The following TRAPPC9 variants were observed in gnomAD, a reference collection of about 807,000 sequenced individuals.
TRAPPC9 encodes trafficking protein particle complex subunit 9, also known as IKK2 binding protein.
TRAPPC9 carries 83 observed loss-of-function variants against 124.0 expected under a neutral mutation model. The observed-to-expected ratio is 0.67, with a 90% CI of 0.56 to 0.80. The LOEUF (loss-of-function observed/expected upper bound fraction) is 0.80. Ranked by LOEUF, TRAPPC9 falls within the 30% of genes least tolerant of loss-of-function variation. The pLI is 0.00. For synonymous variants in TRAPPC9, 638 were observed against 617.5 expected, an observed-to-expected ratio of 1.03 and a Z score of -0.49; for missense variants, 1,302 against 1,508.3, an observed-to-expected ratio of 0.86 and a Z score of 2.27.
chr8:139,903,356 G>C (rs1274316183), intron 20 of TRAPPC9, among the ~76,000 whole-genome samples: 1 of 152,148 alleles, frequency 6.6e-6, no homozygotes, highest in African/African-American at 2.4e-5. Flanking sequence ...GGTGGGAAGA[G>C]ATTGCTCAGA....
At chr8:140,382,361 G>A (rs2319829) in intron 7 of TRAPPC9, among the ~76,000 whole-genome samples, 5,632 of 152,298 alleles carry the variant, frequency 0.037, 197 homozygotes, top group African/African-American at 0.091. Flanking sequence ...CCCAGGAAGC[G>A]CAAAGGGTCA....
chr8:140,382,292 G>A (rs1466369628), intron 7 of TRAPPC9, among the ~76,000 whole-genome samples: 2 of 152,190 alleles, frequency 1.3e-5, no homozygotes, highest in African/African-American at 4.8e-5. Flanking sequence ...GACAGTGGGT[G>A]CAGGACAGTG....
chr8:140,423,681 T>TATACACATATACAC (rs1264423185), intron 5 of TRAPPC9, among the ~76,000 whole-genome samples: 16 of 53,976 alleles, frequency 3.0e-4, no homozygotes, highest in African/African-American at 5.5e-4. Context: ...CATATACACA[T>TATACACATATACAC]ATATACACAT....
chr8:140,046,042 T>C (rs542818156), intron 17 of TRAPPC9, among the ~76,000 whole-genome samples: 13 of 147,978 alleles, frequency 8.8e-5, no homozygotes, highest in South Asian at 4.7e-4. Context: ...TGGATCTAGA[T>C]GGGAGGATGG....
At chr8:140,212,722 A>G (rs905056045) in intron 17 of TRAPPC9, among the ~76,000 whole-genome samples, 1 of 152,182 alleles carries the variant, frequency 6.6e-6, no homozygotes, top group Non-Finnish European at 1.5e-5. Flanking sequence ...AAGATGCATA[A>G]GTAAGCCATC....
At chr8:140,129,182 T>C (rs527510256) in intron 17 of TRAPPC9, among the ~76,000 whole-genome samples, 2 of 152,102 alleles carry the variant, frequency 1.3e-5, no homozygotes, top group African/African-American at 4.8e-5. Flanking sequence ...TTGGTGTCCA[T>C]CTCCTTTCTG....
At chr8:140,403,562 T>C (rs930601311) in intron 6 of TRAPPC9, among the ~76,000 whole-genome samples, 2 of 152,344 alleles carry the variant, frequency 1.3e-5, no homozygotes, top group African/African-American at 4.8e-5. Flanking sequence ...GCAAATATTT[T>C]TCAAAAATAA....
intron 5 of TRAPPC9, among the ~76,000 whole-genome samples, chr8:140,409,018 AC>A (rs2069596512): frequency 6.6e-6 from 1 of 152,192 alleles, no homozygotes. Context: ...CAGCAAAATT[AC>A]TATAAACACA....
At chr8:140,307,594 C>A (rs1298134980) in intron 10 of TRAPPC9, among the ~76,000 whole-genome samples, 2 of 152,142 alleles carry the variant, frequency 1.3e-5, no homozygotes, top group African/African-American at 2.4e-5. Flanking sequence ...TGACCAAGCA[C>A]GAATTTCTGA....
At chr8:140,017,486 T>G (rs1324830736) in intron 18 of TRAPPC9, among the ~76,000 whole-genome samples, 1 of 152,228 alleles carries the variant, frequency 6.6e-6, no homozygotes, top group African/African-American at 2.4e-5. Flanking sequence ...AAGACTTTTC[T>G]TTCCCCATGA....
chr8:140,396,023 C>G (rs1273864647), intron 7 of TRAPPC9, among the ~76,000 whole-genome samples: 1 of 152,156 alleles, frequency 6.6e-6, no homozygotes, highest in East Asian at 1.9e-4. Context: ...TTTGGGGAAG[C>G]TGTCAGCACT....
At chr8:139,835,325 A>G (rs1826261275) in intron 21 of TRAPPC9, among the ~76,000 whole-genome samples, 1 of 152,226 alleles carries the variant, frequency 6.6e-6, no homozygotes, top group African/African-American at 2.4e-5. Flanking sequence ...TTTGATTAAT[A>G]AATTTCTGAA....
At chr8:139,741,119 A>G (rs1004287245) in intron 21 of TRAPPC9, among the ~76,000 whole-genome samples, 3 of 152,044 alleles carry the variant, frequency 2.0e-5, no homozygotes, top group Admixed American at 2.0e-4. Flanking sequence ...AGCCTGCCCC[A>G]GCAGGGCACT....
chr8:139,752,846 A>G (rs895808906), intron 21 of TRAPPC9, among the ~76,000 whole-genome samples: 22 of 146,864 alleles, frequency 1.5e-4, no homozygotes, highest in Non-Finnish European at 2.1e-4. Flanking sequence ...TCTACCATCC[A>G]TCCATCCATC....
At chr8:139,994,109 A>G (rs1179057265) in intron 18 of TRAPPC9, among the ~76,000 whole-genome samples, 1 of 152,234 alleles carries the variant, frequency 6.6e-6, no homozygotes, top group Non-Finnish European at 1.5e-5. Context: ...TTAGCCTGGG[A>G]TCCCCCCAGA....
intron 21 of TRAPPC9, among the ~76,000 whole-genome samples, chr8:139,809,781 T>C (rs550953895): frequency 6.6e-6 from 1 of 152,238 alleles, no homozygotes; most frequent in South Asian, 2.1e-4. Flanking sequence ...TAGCTGTGAC[T>C]GTGCCTGCCA....
chr8:139,876,435 C>T (rs1042311768), intron 21 of TRAPPC9, among the ~76,000 whole-genome samples: 3 of 152,322 alleles, frequency 2.0e-5, no homozygotes, highest in Admixed American at 6.5e-5. Context: ...CCCAGGAAGG[C>T]GGCAGCTGGG....
intron 21 of TRAPPC9, among the ~76,000 whole-genome samples, chr8:139,824,980 C>G (rs1389092653): frequency 6.6e-6 from 1 of 152,134 alleles, no homozygotes; most frequent in Non-Finnish European, 1.5e-5. Flanking sequence ...TCTCGTGAGT[C>G]CCCTGCAGGG....
At chr8:140,050,386 C>T (rs1303409682) in intron 17 of TRAPPC9, among the ~76,000 whole-genome samples, 1 of 152,210 alleles carries the variant, frequency 6.6e-6, no homozygotes, top group East Asian at 1.9e-4. Flanking sequence ...TGTGCACACA[C>T]CATCTCATGC....
Sources: gnomAD v4.1 joint callset for allele counts (sites outside exome capture counted in the v4.1 genomes callset) on GRCh38, gnomAD v4.1.1 for gene constraint, MANE v1.5 for transcripts, NCBI Gene and HGNC (gene_info 2026-07-23, HGNC 2026-07-21) for gene names.